The following SLC44A5 variants were observed in gnomAD, a reference collection of about 807,000 sequenced individuals.
The protein encoded by SLC44A5 is solute carrier family 44 member 5, also known as choline transporter-like protein 5.
SLC44A5 carries 57 observed loss-of-function variants against 101.8 expected under a neutral mutation model. That is an observed-to-expected ratio of 0.56 (90% confidence interval 0.45 to 0.70). The LOEUF is 0.70. SLC44A5 is among the 30% of genes least tolerant of loss of function. The pLI, the probability that SLC44A5 is intolerant of heterozygous loss-of-function variation, is 0.00. For synonymous variants in SLC44A5, 281 were observed against 290.9 expected (o/e 0.97, Z 0.35); for missense variants, 737 against 853.1 (o/e 0.86, Z 1.70).
chr1:75,689,415 A>T, the SLC44A5 span, among the ~76,000 whole-genome samples: 1 of 152,280 alleles, frequency 6.6e-6, no homozygotes, highest in East Asian at 1.9e-4. Context: ...AGGCTGTCTT[A>T]AAGGGGGGAA....
intron 2 of SLC44A5, among the ~76,000 whole-genome samples, chr1:75,529,722 GT>G (rs1372527641): frequency 6.6e-6 from 1 of 152,182 alleles, no homozygotes; most frequent in African/African-American, 2.4e-5. Flanking sequence ...CTTAGAAATA[GT>G]ATCCTGGGAA....
At chr1:75,657,606 A>G in the SLC44A5 span, among the ~76,000 whole-genome samples, 1 of 152,054 alleles carries the variant, frequency 6.6e-6, no homozygotes, top group East Asian at 1.9e-4. Flanking sequence ...GGAAATTTTT[A>G]AAAAGCAAGA....
At chr1:75,264,252 T>A (rs750782848) in intron 6 of SLC44A5, among the ~76,000 whole-genome samples, 11 of 151,492 alleles carry the variant, frequency 7.3e-5, no homozygotes, top group Non-Finnish European at 1.6e-4. Context: ...CCCATTGACA[T>A]CCCCTACCTG....
intron 1 of SLC44A5, among the ~76,000 whole-genome samples, chr1:75,543,882 G>A (rs893913579): frequency 6.6e-6 from 1 of 151,818 alleles, no homozygotes; most frequent in Non-Finnish European, 1.5e-5. Context: ...ACTTCATTTT[G>A]GCAATGTCAA....
At chr1:75,685,242 T>C in the SLC44A5 span, among the ~76,000 whole-genome samples, 1 of 152,126 alleles carries the variant, frequency 6.6e-6, no homozygotes, top group Non-Finnish European at 1.5e-5. Flanking sequence ...GCCTCCTGAC[T>C]TGGGATAAGA....
At chr1:75,388,861 G>C (rs1661589582) in intron 3 of SLC44A5, among the ~76,000 whole-genome samples, 1 of 151,052 alleles carries the variant, frequency 6.6e-6, no homozygotes, top group African/African-American at 2.4e-5. Context: ...AAAAGGCATA[G>C]AGTGGCAAAT....
chr1:75,560,545 A>C (rs1570615030), intron 1 of SLC44A5, among the ~76,000 whole-genome samples: 2 of 152,332 alleles, frequency 1.3e-5, no homozygotes, highest in South Asian at 2.1e-4. Flanking sequence ...ATCATAAAAG[A>C]AAAATGAAAT....
At chr1:75,282,706 AG>A (rs1274020679) in intron 5 of SLC44A5, among the ~76,000 whole-genome samples, 2 of 152,090 alleles carry the variant, frequency 1.3e-5, no homozygotes, top group Non-Finnish European at 1.5e-5. Context: ...ACAGATCATG[AG>A]ATCTAATGGT....
At chr1:75,679,542 C>T in the SLC44A5 span, among the ~76,000 whole-genome samples, 2 of 151,756 alleles carry the variant, frequency 1.3e-5, no homozygotes, top group African/African-American at 2.4e-5. Flanking sequence ...AAATAAAATA[C>T]TTTACAGACA....
In SLC44A5 at chr1:75,320,398, C is replaced by T. The variant is rs560122208; in HGVS notation, c.101+19184G>A. On this transcript the variant is annotated intron_variant, in intron 4 of 23. Coordinates refer to ENST00000370859, the MANE Select transcript of SLC44A5 (RefSeq NM_001130058.2). ...AGGGGGATTTTATAATTAATTTGCC[C>T]TGTAGCAAATATTAGAGCTATGTGA... Among the ~76,000 whole-genome samples, 183 of 152,078 alleles carry T rather than the reference C, an allele frequency of 1.2e-3. 1 individual carries two copies. Among genetic ancestry groups the T allele is most frequent in the Non-Finnish European group, 1.0e-3 (70 of 67,946 alleles).
intron 4 of SLC44A5, among the ~76,000 whole-genome samples, chr1:75,321,645 C>T (rs1205554555): frequency 6.6e-6 from 1 of 152,150 alleles, no homozygotes; most frequent in Non-Finnish European, 1.5e-5. Context: ...CAGTTTATAG[C>T]AGAGATTCAT....
At chr1:75,709,123 G>A in the SLC44A5 span, among the ~76,000 whole-genome samples, 1 of 152,084 alleles carries the variant, frequency 6.6e-6, no homozygotes, top group African/African-American at 2.4e-5. Flanking sequence ...GTTGTAACTT[G>A]ATTCTCCTGG....
intron 2 of SLC44A5, among the ~76,000 whole-genome samples, chr1:75,512,000 G>T (rs1195354088): frequency 2.0e-5 from 3 of 152,110 alleles, no homozygotes; most frequent in African/African-American, 7.2e-5. Context: ...GCTGTGACAG[G>T]AACTCATTAG....
At chr1:75,557,583 A>G (rs954613502) in intron 1 of SLC44A5, among the ~76,000 whole-genome samples, 1 of 152,162 alleles carries the variant, frequency 6.6e-6, no homozygotes, top group Non-Finnish European at 1.5e-5. Flanking sequence ...TTATCTGGGT[A>G]TAAACAGGAG....
the SLC44A5 span, among the ~76,000 whole-genome samples, chr1:75,679,126 C>G: frequency 6.6e-6 from 1 of 152,190 alleles, no homozygotes; most frequent in African/African-American, 2.4e-5. Flanking sequence ...AAGACCAAAT[C>G]TACATCTGAT....
At position 75,240,401 on chromosome 1, in the gene SLC44A5, A is replaced by T. The variant is rs560179172; in HGVS notation, c.532+1600T>A. On this transcript the variant is annotated intron_variant, in intron 9 of 23. Transcript: ENST00000370859. ...CAACATATAATGTCTTTCTCACTAG[A>T]CTGTGAGGGACTACGCCTTATTCAT... Among the ~76,000 whole-genome samples the T allele has an allele frequency of 3.9e-5, 6 of 152,222 alleles. No individual in the cohort carries two copies. In the South Asian group the frequency reaches 6.2e-4, roughly 16 times the overall value.
intron 7 of SLC44A5, among the ~76,000 whole-genome samples, chr1:75,249,909 C>A (rs960803386): frequency 6.6e-6 from 1 of 152,114 alleles, no homozygotes; most frequent in Non-Finnish European, 1.5e-5. Flanking sequence ...AAAGGCAGCT[C>A]AGCTCATAGC....
intron 3 of SLC44A5, among the ~76,000 whole-genome samples, chr1:75,383,714 A>G (rs1661080096): frequency 6.6e-6 from 1 of 152,172 alleles, no homozygotes; most frequent in Admixed American, 6.5e-5. Context: ...AACGCCACAG[A>G]GATACTCCTC....
intron 9 of SLC44A5, among the ~76,000 whole-genome samples, 191 bp downstream of exon 9, chr1:75,241,810 C>T (rs557727308): frequency 6.6e-6 from 1 of 152,104 alleles, no homozygotes; most frequent in African/African-American, 2.4e-5. Context: ...TTCAGAGTTC[C>T]AGTGAAAATG....
Sources: gnomAD v4.1 joint callset for allele counts (sites outside exome capture counted in the v4.1 genomes callset) on GRCh38, gnomAD v4.1.1 for gene constraint, MANE v1.5 for transcripts, NCBI Gene and HGNC (gene_info 2026-07-23, HGNC 2026-07-21) for gene names.